FSTL4: variants seen among roughly 807,000 people sequenced by gnomAD.
The protein encoded by FSTL4 is follistatin like 4, also known as follistatin-related protein 4.
Under a neutral mutation model 78.2 loss-of-function variants are expected in FSTL4, and 28 were observed. The observed-to-expected ratio is 0.36, with a 90% CI of 0.27 to 0.49. The LOEUF (loss-of-function observed/expected upper bound fraction) is 0.49, where lower values mean the gene tolerates loss of function less well. Among genes scored for constraint, FSTL4 ranks in the 20% least tolerant of loss-of-function variants. FSTL4 has a pLI of 0.98. For synonymous variants in FSTL4, 422 were observed against 440.5 expected (o/e 0.96, Z 0.53); for missense variants, 922 against 1,084.9 (o/e 0.85, Z 2.11).
intron 6 of FSTL4, among the ~76,000 whole-genome samples, chr5:133,256,885 G>A (rs1199358570): frequency 6.6e-6 from 1 of 152,128 alleles, no homozygotes; most frequent in Non-Finnish European, 1.5e-5. Context: ...AATTACCTGC[G>A]GGTCAGTGGG....
Position 133,199,098 on chromosome 5 carries a change from T to C in FSTL4, c.2526A>G (p.Val842=), listed in dbSNP as rs1361984278. Reference sequence around the variant, plus strand: ...CCAGGGCTCTGCTCTGGGCCCTTCATACCTCACCCACCCACACCACTGTGG... The same window carrying C: ...CCAGGGCTCTGCTCTGGGCCCTTCACACCTCACCCACCCACACCACTGTGG... The part of the protein sequence containing the change: ...GGTTVVWVGE[V] Residue 842 remains valine, a synonymous_variant, in exon 16 of 16, where the codon GTA becomes GTG. Coordinates refer to ENST00000265342, the MANE Select transcript of FSTL4 (RefSeq NM_015082.2). The surrounding 1 kb of genome is among the most constrained non-coding windows in gnomAD (Gnocchi z 4.4). 1 of 1,533,416 alleles carries C rather than the reference T, an allele frequency of 6.5e-7. No individual in the cohort carries two copies. The highest frequency in any genetic ancestry group is 2.3e-5 in the East Asian group (1 of 44,088). 95.0% of individuals were successfully genotyped at this position (1,533,416 alleles called of 1,614,324 possible).
the FSTL4 span, among the ~76,000 whole-genome samples, chr5:133,748,385 C>CA: frequency 6.6e-6 from 1 of 151,838 alleles, no homozygotes; most frequent in Non-Finnish European, 1.5e-5. Context: ...GCCTGGCTAA[C>CA]ATGGTGAAAC....
intron 4 of FSTL4, among the ~76,000 whole-genome samples, chr5:133,386,625 T>C (rs1658611656): frequency 6.6e-6 from 1 of 152,156 alleles, no homozygotes. Flanking sequence ...TTAAAATTGC[T>C]AGGAGAATGT....
At position 133,358,246 on chromosome 5, in the gene FSTL4, T is replaced by C. The variant is rs188279949; in HGVS notation, c.410-41594A>G. ...GCCTTAACTTCACCTGCAAAGTCCC[T>C]GTGCCATGTAAGGGGACATACTCAT... On this transcript the variant is annotated intron_variant, in intron 4 of 15. Coordinates refer to ENST00000265342, the MANE Select transcript of FSTL4 (RefSeq NM_015082.2). Among the ~76,000 whole-genome samples the C allele has an allele frequency of 1.8e-3, 277 of 152,298 alleles. 1 individual carries two copies. Among genetic ancestry groups the C allele is most frequent in the African/African-American group, 6.2e-3 (258 of 41,556 alleles).
intron 3 of FSTL4, among the ~76,000 whole-genome samples, chr5:133,482,619 C>A (rs577845554): frequency 1.6e-4 from 25 of 152,212 alleles, no homozygotes; most frequent in African/African-American, 6.0e-4. Context: ...CAGAAACAGA[C>A]GCCAGGGGCC....
intron 3 of FSTL4, among the ~76,000 whole-genome samples, chr5:133,416,611 G>A (rs1270935750): frequency 6.6e-6 from 1 of 152,172 alleles, no homozygotes; most frequent in African/African-American, 2.4e-5. Context: ...TTACTCAAGT[G>A]ATCAAAATTA....
intron 6 of FSTL4, among the ~76,000 whole-genome samples, chr5:133,274,613 G>A (rs1381756297): frequency 2.0e-5 from 3 of 152,056 alleles, no homozygotes; most frequent in Non-Finnish European, 2.9e-5. Context: ...CGAGTGAGAG[G>A]GCTTTGGTGG....
intron 3 of FSTL4, among the ~76,000 whole-genome samples, chr5:133,476,815 T>A (rs190786481): frequency 6.6e-6 from 1 of 152,158 alleles, no homozygotes; most frequent in East Asian, 1.9e-4. Flanking sequence ...CCCGAGTCAG[T>A]GAGACACTCA....
At chr5:133,578,881 T>G (rs1206627440) in intron 2 of FSTL4, among the ~76,000 whole-genome samples, 1 of 152,214 alleles carries the variant, frequency 6.6e-6, no homozygotes, top group Non-Finnish European at 1.5e-5. Context: ...AGAGGGGAAT[T>G]TTCCAGTTGT....
At chr5:133,719,397 C>T in the FSTL4 span, among the ~76,000 whole-genome samples, 21 of 152,068 alleles carry the variant, frequency 1.4e-4, no homozygotes, top group Admixed American at 1.3e-3. Context: ...AGGCCAGGCG[C>T]GATGGCTCAC....
At chr5:133,441,745 C>A (rs949674322) in intron 3 of FSTL4, among the ~76,000 whole-genome samples, 1 of 152,248 alleles carries the variant, frequency 6.6e-6, no homozygotes, top group African/African-American at 2.4e-5. Flanking sequence ...CTCCCTCCCA[C>A]AGGCATGCTC....
chr5:133,596,190 A>C (rs1760734078), intron 2 of FSTL4, among the ~76,000 whole-genome samples: 1 of 151,808 alleles, frequency 6.6e-6, no homozygotes, highest in Admixed American at 6.5e-5. Context: ...GGCCACCAGA[A>C]GCACTGAGGA....
At chr5:133,801,187 A>C in the FSTL4 span, among the ~76,000 whole-genome samples, 2 of 152,154 alleles carry the variant, frequency 1.3e-5, no homozygotes, top group African/African-American at 4.8e-5. Context: ...ATTGGTGCCC[A>C]CTGCTGCGAC....
the FSTL4 span, among the ~76,000 whole-genome samples, chr5:133,695,748 G>C: frequency 6.6e-6 from 1 of 152,220 alleles, no homozygotes; most frequent in East Asian, 1.9e-4. Context: ...AGCCAGGACA[G>C]CTAGAGACCA....
rs575820448 is a variant in FSTL4 at position 133,243,414 on chromosome 5, G to T, written c.894+5996C>A. Reference sequence around the variant, plus strand: ...CCACGTGCTGGTCTCAGAGCATGTTGCTTCCTTCCTTGCTGGGGCCAGAGG... The same window carrying T: ...CCACGTGCTGGTCTCAGAGCATGTTTCTTCCTTCCTTGCTGGGGCCAGAGG... On this transcript the variant is annotated intron_variant, in intron 7 of 15. Coordinates refer to ENST00000265342, the MANE Select transcript of FSTL4 (RefSeq NM_015082.2). Among the ~76,000 whole-genome samples the T allele has an allele frequency of 7.2e-5, 11 of 152,322 alleles. 1 individual carries two copies. The South Asian group carries it at 2.3e-3, about 32-fold the overall frequency.
the FSTL4 span, among the ~76,000 whole-genome samples, chr5:133,695,702 C>T: frequency 6.6e-6 from 1 of 152,166 alleles, no homozygotes; most frequent in African/African-American, 2.4e-5. Context: ...AGCTCAGAGC[C>T]AGGTACTGCT....
chr5:133,740,607 T>C, the FSTL4 span, among the ~76,000 whole-genome samples: 1 of 152,190 alleles, frequency 6.6e-6, no homozygotes, highest in East Asian at 1.9e-4. Context: ...AATAAAGCAC[T>C]CACGCAGCAG....
At chr5:133,830,673 C>T in the FSTL4 span, among the ~76,000 whole-genome samples, 206 of 152,310 alleles carry the variant, frequency 1.4e-3, no homozygotes, top group Middle Eastern at 0.017. Flanking sequence ...ACAGAGCTGG[C>T]ACCTGTGCTG....
At chr5:133,687,816 A>T in the FSTL4 span, among the ~76,000 whole-genome samples, 1 of 152,252 alleles carries the variant, frequency 6.6e-6, no homozygotes, top group Admixed American at 6.5e-5. Context: ...CAACTTGGGC[A>T]CCATCAGTGC....
Sources: allele counts gnomAD v4.1 joint callset (sites outside exome capture counted in the v4.1 genomes callset), GRCh38; gene constraint gnomAD v4.1.1; non-coding constraint Gnocchi (gnomAD v3.1); transcripts MANE v1.5; gene names NCBI Gene and HGNC (gene_info 2026-07-23, HGNC 2026-07-21).